Variants in UST observed in about 807,000 individuals in gnomAD.
UST encodes the protein uronyl 2-sulfotransferase, also known as chondroitin sulfate 2-O-sulfotransferase.
A neutral mutation model predicts 45.6 loss-of-function variants in UST; 21 were observed. The ratio of observed to expected loss-of-function variants is 0.46; its 90% confidence interval spans 0.33 to 0.66. UST has a LOEUF of 0.66. Among genes scored for constraint, UST ranks in the 30% least tolerant of loss-of-function variants. The pLI is 0.02. For missense variants in UST, 463 were observed against 512.4 expected, an observed-to-expected ratio of 0.90 and a Z score of 0.93; for synonymous variants, 215 against 200.6, an observed-to-expected ratio of 1.07 and a Z score of -0.61.
intron 2 of UST, among the ~76,000 whole-genome samples, chr6:148,913,967 C>T (rs1054499187): frequency 3.9e-5 from 6 of 152,134 alleles, no homozygotes; most frequent in African/African-American, 1.4e-4. Flanking sequence ...GTCTAATCCC[C>T]AGTGTGATAG....
chr6:148,876,498 C>T (rs962991594), intron 1 of UST, among the ~76,000 whole-genome samples: 2 of 152,078 alleles, frequency 1.3e-5, no homozygotes, highest in Non-Finnish European at 2.9e-5. Flanking sequence ...TAGTAGAGGG[C>T]AGGTCTGAGA....
chr6:148,999,378 G>A (rs1380808665), intron 5 of UST, among the ~76,000 whole-genome samples: 1 of 152,128 alleles, frequency 6.6e-6, no homozygotes, highest in African/African-American at 2.4e-5. Context: ...GCACTGGGTG[G>A]ATACCGTAAT....
chr6:148,979,761 C>T (rs1169445732), intron 5 of UST, among the ~76,000 whole-genome samples: 5 of 152,148 alleles, frequency 3.3e-5, no homozygotes, highest in African/African-American at 1.2e-4. Context: ...CAGTAAGCAG[C>T]GACTCTTATT....
At chr6:149,020,179 G>A (rs1403996393) in intron 6 of UST, among the ~76,000 whole-genome samples, 11 of 152,100 alleles carry the variant, frequency 7.2e-5, no homozygotes, top group Non-Finnish European at 1.0e-4. Context: ...GTTTTTAGGC[G>A]TATTGTTGTT....
chr6:148,929,261 C>G (rs1770121809), intron 2 of UST, among the ~76,000 whole-genome samples: 1 of 152,190 alleles, frequency 6.6e-6, no homozygotes, highest in South Asian at 2.1e-4. Context: ...CAGTTCCACC[C>G]TAGCTCATGA....
Position 148,829,873 on chromosome 6 carries a change from A to T in UST, c.248-57113A>T, listed in dbSNP as rs189442072. ...CTGACCTAGGGACTATTATTTTGGA[A>T]GGTGTTTTAAAAAGTAATTTCATAG... On this transcript the variant is annotated intron_variant, in intron 1 of 7. Transcript: ENST00000367463. Among the ~76,000 whole-genome samples, 53 of 152,316 alleles carry T rather than the reference A, an allele frequency of 3.5e-4. No homozygotes were observed. In the East Asian group the frequency reaches 0.01, roughly 29 times the overall value.
chr6:148,910,861 C>T (rs7739451), intron 2 of UST, among the ~76,000 whole-genome samples: 79,832 of 151,488 alleles, frequency 0.53, 21,187 homozygotes, highest in East Asian at 0.6. Context: ...TGTTTCTAAT[C>T]GTTTAGTCTC....
intron 7 of UST, among the ~76,000 whole-genome samples, chr6:149,049,894 T>A (rs1001921777): frequency 6.7e-6 from 1 of 149,914 alleles, no homozygotes; most frequent in African/African-American, 2.5e-5. Context: ...AGTAGTTTTT[T>A]AAAAACTCAC....
In UST at chr6:149,067,560, G is replaced by A. The variant is rs1025781294; in HGVS notation, c.938-6273G>A. On this transcript the variant is annotated intron_variant, in intron 7 of 7. Transcript: ENST00000367463. Reference sequence around the variant, plus strand: ...AGTGTTCTAGCAAACATAGGGCTGGGCCTCCTCATGTTCTGACTAGCACTA... The same window carrying A: ...AGTGTTCTAGCAAACATAGGGCTGGACCTCCTCATGTTCTGACTAGCACTA... Among the ~76,000 whole-genome samples the A allele has an allele frequency of 2.0e-5, 3 of 152,142 alleles. No homozygotes were observed. In the East Asian group the frequency reaches 5.8e-4, roughly 29 times the overall value.
intron 5 of UST, among the ~76,000 whole-genome samples, chr6:148,970,010 C>G (rs1780883091): frequency 6.6e-6 from 1 of 152,224 alleles, no homozygotes; most frequent in Non-Finnish European, 1.5e-5. Context: ...GAGCCGAATG[C>G]TCCGCCAGGC....
At chr6:149,029,340 G>C (rs940399070) in intron 7 of UST, among the ~76,000 whole-genome samples, 1 of 145,484 alleles carries the variant, frequency 6.9e-6, no homozygotes, top group African/African-American at 2.5e-5. Flanking sequence ...TATATTGTAC[G>C]TTATATATTA....
intron 5 of UST, among the ~76,000 whole-genome samples, chr6:148,992,090 G>A (rs1781364370): frequency 6.6e-6 from 1 of 152,188 alleles, no homozygotes; most frequent in African/African-American, 2.4e-5. Context: ...TTGTGAATGA[G>A]CCACCTGTTT....
At chr6:148,871,117 C>CCTCTCTTTCTCTCTCTCTCTCTCTCTCT (rs1778544076) in intron 1 of UST, among the ~76,000 whole-genome samples, 1 of 97,586 alleles carries the variant, frequency 1.0e-5, no homozygotes, top group African/African-American at 4.6e-5. Flanking sequence ...GCATTCTCTC[C>CCTCTCTTTCTCTCTCTCTCTCTCTCTCT]CTCTCTCTCT....
At chr6:148,933,838 G>T (rs1779968541) in intron 2 of UST, among the ~76,000 whole-genome samples, 1 of 152,176 alleles carries the variant, frequency 6.6e-6, no homozygotes, top group Admixed American at 6.5e-5. Context: ...GAAGATAAAG[G>T]TAGATTTATT....
intron 2 of UST, among the ~76,000 whole-genome samples, chr6:148,922,731 C>T (rs1582900382): frequency 1.3e-5 from 2 of 151,618 alleles, no homozygotes; most frequent in Non-Finnish European, 2.9e-5. Context: ...CCTCGGCCTC[C>T]CAAATTGCTG....
chr6:148,972,592 ACGCACCGCAAGGG>A (rs886907067), intron 5 of UST, among the ~76,000 whole-genome samples: 2 of 152,252 alleles, frequency 1.3e-5, no homozygotes, highest in African/African-American at 4.8e-5. Context: ...CATCAGGAGC[ACGCACCGCAAGGG>A]CCGCCAGAGC....
chr6:148,824,359 A>G (rs1777527875), intron 1 of UST, among the ~76,000 whole-genome samples: 1 of 152,218 alleles, frequency 6.6e-6, no homozygotes, highest in Admixed American at 6.5e-5. Context: ...TAGGTACAGT[A>G]AGAGACATTT....
chr6:148,765,949 A>T (rs968537193), intron 1 of UST, among the ~76,000 whole-genome samples: 2 of 152,088 alleles, frequency 1.3e-5, no homozygotes, highest in African/African-American at 4.8e-5. Flanking sequence ...AAGTTCTTTT[A>T]AATTTTCTCC....
intron 1 of UST, among the ~76,000 whole-genome samples, chr6:148,849,549 T>A (rs1778065672): frequency 6.6e-6 from 1 of 152,124 alleles, no homozygotes; most frequent in African/African-American, 2.4e-5. Context: ...ACTGGGTAAT[T>A]TTTAAAGGAA....
Sources: allele counts gnomAD v4.1 joint callset (sites outside exome capture counted in the v4.1 genomes callset), GRCh38; gene constraint gnomAD v4.1.1; transcripts MANE v1.5; gene names NCBI Gene and HGNC (gene_info 2026-07-23, HGNC 2026-07-21).